TWSG1: variants seen among roughly 807,000 people sequenced by gnomAD.
TWSG1 encodes the protein twisted gastrulation protein homolog 1.
TWSG1 carries 15 observed loss-of-function variants against 23.0 expected under a neutral mutation model. The observed-to-expected ratio is 0.65, with a 90% confidence interval of 0.44 to 1.00. TWSG1 has a LOEUF of 1.00. TWSG1 is among the 50% of genes least tolerant of loss of function. The pLI, the probability that TWSG1 is intolerant of heterozygous loss-of-function variation, is 0.00. For missense variants in TWSG1, 242 were observed against 278.7 expected (o/e 0.87, Z 0.94); for synonymous variants, 86 against 92.8 (o/e 0.93, Z 0.42).
At chr18:9,397,298 G>A (rs960499556) in intron 4 of TWSG1, among the ~76,000 whole-genome samples, 18 of 152,128 alleles carry the variant, frequency 1.2e-4, no homozygotes, top group African/African-American at 3.4e-4. Flanking sequence ...AATAGCACCC[G>A]TACCAAAATG....
rs776607088 is a variant in TWSG1, at chr18:9,337,215, C to G, written c.-15C>G. 1.9e-6 allele frequency: 3 copies of G among 1,608,744 alleles called. No individual in the cohort carries two copies. In the East Asian group the frequency reaches 6.7e-5, roughly 36 times the overall value. On this transcript the variant is annotated 5_prime_UTR_variant, in exon 2 of 5. It adds an upstream start codon to the 5' untranslated region. Transcript: ENST00000262120. ...TAGTTTCCTGGGAGTTACTGATCAT[C>G]TTCTTTGAAGAAACATGAAGTTACA...
intron 3 of TWSG1, among the ~76,000 whole-genome samples, chr18:9,371,454 G>T (rs1218960312): frequency 6.6e-6 from 1 of 151,758 alleles, no homozygotes; most frequent in Non-Finnish European, 1.5e-5. Flanking sequence ...GTGCCACCAT[G>T]CCTGGCTAAT....
intron 2 of TWSG1, among the ~76,000 whole-genome samples, chr18:9,344,723 T>C (rs979230281): frequency 1.3e-5 from 2 of 151,822 alleles, no homozygotes; most frequent in East Asian, 3.9e-4. Flanking sequence ...GGGAAATACC[T>C]ATTGAAAACC....
chr18:9,340,513 C>T (rs2145590628), intron 2 of TWSG1, among the ~76,000 whole-genome samples: 1 of 152,198 alleles, frequency 6.6e-6, no homozygotes, highest in Non-Finnish European at 1.5e-5. Flanking sequence ...CTCCCAAACT[C>T]TAGCAGATTA....
At chr18:9,353,239 C>T (rs1403532504) in intron 2 of TWSG1, among the ~76,000 whole-genome samples, 5 of 148,340 alleles carry the variant, frequency 3.4e-5, no homozygotes, top group African/African-American at 1.2e-4. Context: ...CAGAATGTAT[C>T]CCTATCCTTA....
intron 3 of TWSG1, among the ~76,000 whole-genome samples, chr18:9,366,367 A>G (rs928881018): frequency 6.6e-6 from 1 of 152,184 alleles, no homozygotes; most frequent in Non-Finnish European, 1.5e-5. Flanking sequence ...GGTGTCAGGC[A>G]ACAGGCACAG....
At chr18:9,350,619 G>A (rs764462633) in intron 2 of TWSG1, among the ~76,000 whole-genome samples, 12 of 152,130 alleles carry the variant, frequency 7.9e-5, no homozygotes, top group Non-Finnish European at 1.6e-4. Context: ...TGAGAAAGAG[G>A]CACTGTTTGA....
intron 2 of TWSG1, among the ~76,000 whole-genome samples, chr18:9,342,759 T>C (rs2040451509): frequency 6.6e-6 from 1 of 152,192 alleles, no homozygotes; most frequent in Non-Finnish European, 1.5e-5. Context: ...TTGGATTTCG[T>C]ATCTTGTTGT....
chr18:9,336,487 A>G (rs1455130231), intron 1 of TWSG1, among the ~76,000 whole-genome samples: 1 of 151,992 alleles, frequency 6.6e-6, no homozygotes, highest in Non-Finnish European at 1.5e-5. Flanking sequence ...TATTTGCTCA[A>G]TTATTTAAGA....
At chr18:9,356,316 G>A (rs145089834) in intron 2 of TWSG1, among the ~76,000 whole-genome samples, 1 of 152,308 alleles carries the variant, frequency 6.6e-6, no homozygotes, top group East Asian at 1.9e-4. Context: ...ACCTGGGCAA[G>A]TTCAAGCGAC....
intron 1 of TWSG1, among the ~76,000 whole-genome samples, chr18:9,335,188 G>C (rs2145586501): frequency 6.6e-6 from 1 of 152,222 alleles, no homozygotes; most frequent in South Asian, 2.1e-4. Flanking sequence ...CGCGTCGGCC[G>C]AGCCGGGGTG....
chr18:9,378,375 C>T (rs192777125), intron 3 of TWSG1, among the ~76,000 whole-genome samples: 1 of 152,300 alleles, frequency 6.6e-6, no homozygotes. Context: ...CCCATAGTCT[C>T]TGCCCAAAAG....
At chr18:9,372,034 G>T (rs1400640357) in intron 3 of TWSG1, among the ~76,000 whole-genome samples, 1 of 151,900 alleles carries the variant, frequency 6.6e-6, no homozygotes, top group Non-Finnish European at 1.5e-5. Context: ...CAAAGTGCTG[G>T]GATTACAGCC....
At chr18:9,348,529 T>C (rs1055373968) in intron 2 of TWSG1, among the ~76,000 whole-genome samples, 4 of 152,206 alleles carry the variant, frequency 2.6e-5, no homozygotes, top group East Asian at 1.9e-4. Context: ...CTCACAGCAG[T>C]TGGTGAACCT....
chr18:9,401,083 C>A lies in TWSG1; in HGVS notation c.*1556C>A, dbSNP rs1218130178. ...ACTGTTATAAATTAAGGTCTTAATA[C>A]CTTTTCTGCTCTTTCAAATAACTCT... On this transcript the variant is annotated 3_prime_UTR_variant, in exon 5 of 5. Transcript: ENST00000262120. The A allele has an allele frequency of 6.6e-6, 1 of 152,104 alleles. No individual in the cohort carries two copies. The highest frequency in any genetic ancestry group is 1.5e-5 in the Non-Finnish European group (1 of 68,008). The allele number at this position is 152,104 out of a possible 1,614,324, so 9.4% of individuals were successfully genotyped here.
intron 2 of TWSG1, among the ~76,000 whole-genome samples, chr18:9,340,384 A>AAAAAAAG (rs1568030248): frequency 6.6e-6 from 1 of 151,246 alleles, no homozygotes; most frequent in African/African-American, 2.4e-5. Flanking sequence ...AAAAAAAAAA[A>AAAAAAAG]AAAAAAGAAA....
chr18:9,385,184 A>G (rs1287158283), intron 3 of TWSG1, among the ~76,000 whole-genome samples: 1 of 152,190 alleles, frequency 6.6e-6, no homozygotes, highest in Non-Finnish European at 1.5e-5. Context: ...TTCGTCAGAA[A>G]AAGTTCCAAG....
intron 2 of TWSG1, among the ~76,000 whole-genome samples, chr18:9,353,806 G>C (rs2040512524): frequency 6.6e-6 from 1 of 152,144 alleles, no homozygotes; most frequent in Admixed American, 6.5e-5. Flanking sequence ...TCTGTGACTT[G>C]CAGACTAGGG....
intron 3 of TWSG1, chr18:9,388,289 T>C (rs897490696): frequency 6.6e-6 from 1 of 152,260 alleles, no homozygotes; most frequent in African/African-American, 2.4e-5. Flanking sequence ...TTCACTGTTT[T>C]ATGAAGTTCA....
Sources: gnomAD v4.1 joint callset for allele counts (sites outside exome capture counted in the v4.1 genomes callset) on GRCh38, gnomAD v4.1.1 for gene constraint, MANE v1.5 for transcripts, NCBI Gene and HGNC (gene_info 2026-07-23, HGNC 2026-07-21) for gene names.